WDR90: variants seen among roughly 807,000 people sequenced by gnomAD.
WDR90 encodes WD repeat domain 90.
A neutral mutation model predicts 195.2 loss-of-function variants in WDR90; 238 were observed. The ratio of observed to expected loss-of-function variants is 1.22; its 90% CI spans 1.10 to 1.36. The LOEUF is 1.36. Ranked by LOEUF, WDR90 falls within the 40% of genes most tolerant of loss-of-function variation. The pLI is 0.00. For synonymous variants in WDR90, 1,265 were observed against 1,052.4 expected, an observed-to-expected ratio of 1.20 and a Z score of -3.91; for missense variants, 2,734 against 2,439.5, an observed-to-expected ratio of 1.12 and a Z score of -2.54.
At position 656,851 on chromosome 16, in the gene WDR90, T is replaced by C. The variant is rs955158514; in HGVS notation, c.2322T>C (p.Ala774=). 3 of 1,612,868 alleles carry C rather than the reference T, an allele frequency of 1.9e-6. No homozygotes were observed. Among genetic ancestry groups the C allele is most frequent in the Non-Finnish European group, 2.5e-6 (3 of 1,179,936 alleles). The change falls in exon 19 of 41, where the codon GCT becomes GCC. Residue 774 remains alanine, a synonymous_variant. Coordinates refer to ENST00000293879, the MANE Select transcript of WDR90 (RefSeq NM_145294.5). ...GAVRSFSLEA[A]EVLVEHTCHR... is the part of the protein sequence containing the mutation. Reference sequence around the variant, plus strand: ...TGCGCTCCTTCAGCCTGGAGGCCGCTGAGGTCCTGGTGGAACACACGTAAG... The same window carrying C: ...TGCGCTCCTTCAGCCTGGAGGCCGCCGAGGTCCTGGTGGAACACACGTAAG...
rs539125340 is a variant in WDR90, at chr16:655,168, C to T, written c.1556+21C>T. 1.1e-5 allele frequency: 18 copies of T among 1,612,314 alleles called. No homozygotes were observed. The East Asian group carries it at 1.3e-4, about 12-fold the overall frequency. ...ACCAGGTGATGCAGCCGCCCATCCA[C>T]GATGTTGGGAGAGGGTCTGGGCCCG... On this transcript the variant is annotated intron_variant, in intron 14 of 40. Coordinates refer to ENST00000293879, the MANE Select transcript of WDR90 (RefSeq NM_145294.5).
chr16:656,231 G>A, intron 17 of WDR90, 71 bp from the exon 18 acceptor site: 2 of 1,413,980 alleles, frequency 1.4e-6, no homozygotes, highest in South Asian at 2.5e-5. Flanking sequence ...GGGGTGTCGG[G>A]GACCCGAAGC....
Position 651,240 on chromosome 16 carries a change from A to G in WDR90, c.710A>G (p.Glu237Gly). Residue 237 changes from glutamate to glycine, a missense_variant, in exon 7 of 41, where the codon GAG becomes GGG. By Grantham distance (98) the Glu-to-Gly change is moderately conservative. Transcript: ENST00000293879. ...ESLKVPSKPI[E>G]KSCSPPEAVL... ...TTGAAAGTGCCTTCCAAGCCGATTG[A>G]GAAGAGCTGTTCCCCTCCTGAGGCA... 6.2e-7 allele frequency: 1 copy of G among 1,613,094 alleles called. No homozygotes were observed. The highest frequency in any genetic ancestry group is 8.5e-7 in the Non-Finnish European group (1 of 1,179,970).
In WDR90 at chr16:655,029, ATGG is replaced by A. The variant is rs772935193; in HGVS notation, c.1445_1447del (p.Val482del). On this transcript the variant is annotated inframe_deletion and splice_region_variant, in exon 14 of 41. Transcript: ENST00000293879. Reference sequence around the variant, plus strand: ...CGGGCTCAGCCTGGGCTTGTTGCAGATGGTGGTGGCCTGGGGCACCGGCCAGGT... The same window carrying A: ...CGGGCTCAGCCTGGGCTTGTTGCAGATGGTGGCCTGGGGCACCGGCCAGGT... 2 of 1,612,098 alleles carry A rather than the reference ATGG, an allele frequency of 1.2e-6. No homozygotes were observed. The highest frequency in any genetic ancestry group is 1.7e-5 in the Admixed American group (1 of 59,996).
rs201107332 is a variant in WDR90, at chr16:655,757, G to A, written c.1850-16G>A. 3.6e-5 allele frequency: 57 copies of A among 1,581,252 alleles called. 1 individual carries two copies. In the Admixed American group the frequency reaches 5.7e-4, roughly 16 times the overall value. ...GTGGCAGGGACACCGAGGCACTGAC[G>A]CCTCCCTGCCCCCAGGCCCCGGCAT... On this transcript the variant is annotated splice_polypyrimidine_tract_variant and intron_variant, in intron 16 of 40. Transcript: ENST00000293879.
In WDR90 at chr16:662,070, C is replaced by A; in HGVS notation, c.4033+11C>A. On this transcript the variant is annotated intron_variant, in intron 32 of 40. Coordinates refer to ENST00000293879, the MANE Select transcript of WDR90 (RefSeq NM_145294.5). ...ATGACGGTGGCATTGGTGAGTGCCC[C>A]GCAGAAGCCCTGTGGCCCTCAGGAC... 1 of 1,598,190 alleles carries A rather than the reference C, an allele frequency of 6.3e-7. No homozygotes were observed.
intron 40 of WDR90, 105 bp downstream of exon 40, chr16:667,094 C>T (rs1482605589): frequency 1.8e-5 from 22 of 1,235,450 alleles, no homozygotes; most frequent in East Asian, 2.5e-5. Context: ...CCGGGCTCCT[C>T]GTCTCTGGGG....
In WDR90 at chr16:655,373, C is replaced by T; in HGVS notation, c.1623C>T (p.Cys541=). ...WRLRGGVLRS[C]PVDLGEHHAL... ...TGCGTGGCGGGGTGCTGCGTTCCTG[C>T]CCCGTGGACTTAGGGGAGCACCACG... Residue 541 remains cysteine, a synonymous_variant, in exon 15 of 41, where the codon TGC becomes TGT. Transcript: ENST00000293879. 2 of 1,600,458 alleles carry T rather than the reference C, an allele frequency of 1.2e-6. No individual in the cohort carries two copies. The highest frequency in any genetic ancestry group is 1.1e-5 in the South Asian group (1 of 90,726).
At position 661,328 on chromosome 16, in the gene WDR90, C is replaced by T; in HGVS notation, c.3514-14C>T. ...CACGGCCTCCCCACTCACGCCTGGC[C>T]TCTTGCCTGCCAGGTCCTGGCCTCT... On this transcript the variant is annotated splice_polypyrimidine_tract_variant and intron_variant, in intron 29 of 40. Coordinates refer to ENST00000293879, the MANE Select transcript of WDR90 (RefSeq NM_145294.5). 6.3e-7 allele frequency: 1 copy of T among 1,586,470 alleles called. No homozygotes were observed. The highest frequency in any genetic ancestry group is 8.6e-7 in the Non-Finnish European group (1 of 1,166,634).
intron 20 of WDR90, 46 bp from the exon 21 acceptor site, chr16:657,716 C>A: frequency 6.7e-7 from 1 of 1,499,406 alleles, no homozygotes. Context: ...GCCACGCGCA[C>A]CCCGGCACTC....
intron 34 of WDR90, chr16:663,045 C>A: frequency 1.3e-6 from 1 of 795,256 alleles, no homozygotes; most frequent in Non-Finnish European, 2.1e-6. Flanking sequence ...CACAAGCGAG[C>A]CGCCTGGCAG....
chr16:652,110 G>C, intron 9 of WDR90, 71 bp downstream of exon 9: 17 of 1,480,218 alleles, frequency 1.1e-5, no homozygotes, highest in Non-Finnish European at 1.5e-5. Context: ...CCCGCCCCGA[G>C]ATGCATTCAG....
Position 651,890 on chromosome 16 carries a change from G to C in WDR90, c.904G>C (p.Asp302His), listed in dbSNP as rs534749702. Reference protein sequence around the residue: ...PEVSLSQERSDASNADGPGFH... With the variant: ...PEVSLSQERSHASNADGPGFH... ...GGTCAGCCTGTCCCAAGAGCGCTCA[G>C]ACGCCTCCAACGCGGATGGCCCCGG... The change falls in exon 9 of 41, where the codon GAC becomes CAC. Residue 302 changes from aspartate (D) to histidine (H), a missense_variant. Coordinates refer to ENST00000293879, the MANE Select transcript of WDR90 (RefSeq NM_145294.5). The C allele has an allele frequency of 1.1e-5, 18 of 1,611,182 alleles. No individual in the cohort carries two copies. The highest frequency in any genetic ancestry group is 1.5e-5 in the Non-Finnish European group (18 of 1,179,850).
At position 656,178 on chromosome 16, in the gene WDR90, C is replaced by CGT. The variant is rs1434725685; in HGVS notation, c.1967-120_1967-119dup. 1.9e-5 allele frequency: 18 copies of CGT among 963,774 alleles called. No homozygotes were observed. The African/African-American group carries it at 2.9e-4, about 16-fold the overall frequency. 59.7% of individuals were successfully genotyped at this position (963,774 alleles called of 1,614,324 possible). A position where few individuals can be genotyped will look rare whatever the true frequency, so the allele number is the denominator to read the frequency against. On this transcript the variant is annotated intron_variant, in intron 17 of 40. Transcript: ENST00000293879. ...CCTCGAGGGAGCTGCATCTTGCAGC[C>CGT]GTGTGGAGCCTGGGACTTTGAGCAG...
At chr16:664,040 G>A (rs2037970941) in intron 34 of WDR90, among the ~76,000 whole-genome samples, 1 of 152,196 alleles carries the variant, frequency 6.6e-6, no homozygotes. Flanking sequence ...GATGACGATA[G>A]CCAGCAAAGA....
chr16:666,706 T>C lies in WDR90; in HGVS notation c.4918T>C (p.Phe1640Leu), dbSNP rs750174986. The C allele has an allele frequency of 6.2e-7, 1 of 1,612,796 alleles. No individual in the cohort carries two copies. The highest frequency in any genetic ancestry group is 1.7e-5 in the Admixed American group (1 of 60,020). ...CCACCTGCCACCCTCCCTCGCTGCCTTCTGCCCTTGGGATGGGGCGCTCCT... is the reference window on the plus strand; with the variant it reads ...CCACCTGCCACCCTCCCTCGCTGCCCTCTGCCCTTGGGATGGGGCGCTCCT... ...QGHLPPSLAA[F>L]CPWDGALLMY... Residue 1640 changes from phenylalanine (F) to leucine (L), a missense_variant, in exon 39 of 41, where the codon TTC (phenylalanine) becomes CTC (leucine). Transcript: ENST00000293879.
chr16:659,105 G>T lies in WDR90; in HGVS notation c.3031G>T (p.Ala1011Ser), dbSNP rs368701693. 8 of 1,611,864 alleles carry T rather than the reference G, an allele frequency of 5.0e-6. No homozygotes were observed. The highest frequency in any genetic ancestry group is 1.3e-5 in the African/African-American group (1 of 74,856). The change falls in exon 25 of 41, where the codon GCC (alanine) becomes TCC (serine). Residue 1011 changes from alanine (A) to serine (S), a missense_variant. Ala to Ser is a moderately conservative substitution (Grantham distance 99). Transcript: ENST00000293879. ...PTESDQSFPG[A>S]PPACKTGPGA... ...CTCCAGCGACCAAAGCTTCCCCGGG[G>T]CCCCCCCAGCCTGCAAGACAGGTGA...
chr16:655,011 A>T lies in WDR90; in HGVS notation c.1438-18A>T. 1 of 1,610,534 alleles carries T rather than the reference A, an allele frequency of 6.2e-7. No homozygotes were observed. ...CCGACTGGCCCTGCCGTGCGGGCTC[A>T]GCCTGGGCTTGTTGCAGATGGTGGT... On this transcript the variant is annotated intron_variant, in intron 13 of 40. Transcript: ENST00000293879.
chr16:649,677 C>A, intron 1 of WDR90, 86 bp from the exon 2 acceptor site: 1 of 1,346,006 alleles, frequency 7.4e-7, no homozygotes, highest in Non-Finnish European at 9.8e-7. Context: ...CCGGCTCCTG[C>A]CTGGTCCCCG....
Sources: gnomAD v4.1 joint callset for allele counts (sites outside exome capture counted in the v4.1 genomes callset) on GRCh38, gnomAD v4.1.1 for gene constraint, MANE v1.5 for transcripts, NCBI Gene and HGNC (gene_info 2026-07-23, HGNC 2026-07-21) for gene names.